ANKRD13A: variants seen among roughly 807,000 people sequenced by gnomAD.
ANKRD13A encodes the protein ankyrin repeat domain 13A.
ANKRD13A carries 48 observed loss-of-function variants against 81.3 expected under a neutral mutation model. That is an observed-to-expected ratio of 0.59 (90% CI 0.47 to 0.75). The LOEUF is 0.75. Ranked by LOEUF, ANKRD13A falls within the 30% of genes least tolerant of loss-of-function variation. ANKRD13A has a pLI of 0.00. For synonymous variants in ANKRD13A, 230 were observed against 270.1 expected, an observed-to-expected ratio of 0.85 and a Z score of 1.45; for missense variants, 612 against 734.0, an observed-to-expected ratio of 0.83 and a Z score of 1.92.
rs1890559474 is a variant in ANKRD13A, at chr12:110,012,117, A to C, written c.209A>C (p.Glu70Ala). Reference sequence around the variant, plus strand: ...CGACATAAAGCAGATGTGACAAAAGAAAATCGCCAGGGATGGACAGGTAAG... The same window carrying C: ...CGACATAAAGCAGATGTGACAAAAGCAAATCGCCAGGGATGGACAGGTAAG... ...LLRHKADVTK[E>A]NRQGWTVLHE... The change falls in exon 2 of 15, where the codon GAA becomes GCA. Residue 70 changes from glutamate (E) to alanine (A), a missense_variant. Transcript: ENST00000261739. 6.2e-7 allele frequency: 1 copy of C among 1,611,864 alleles called. No individual in the cohort carries two copies. The highest frequency in any genetic ancestry group is 8.5e-7 in the Non-Finnish European group (1 of 1,178,080).
rs372999344 is a variant in ANKRD13A, at chr12:110,016,382, C to T, written c.355-6C>T. The T allele has an allele frequency of 1.6e-4, 250 of 1,583,854 alleles. 2 individuals are homozygous for T. In the Middle Eastern group the frequency reaches 3.9e-3, roughly 25 times the overall value. On this transcript the variant is annotated splice_polypyrimidine_tract_variant and splice_region_variant and intron_variant, in intron 3 of 14. Coordinates refer to ENST00000261739, the MANE Select transcript of ANKRD13A (RefSeq NM_033121.2). Reference sequence around the variant, plus strand: ...AATCTGTTTTAAACCTTTGTCTGCCCTTCAGGCTCCGGATTTCTATGTGCA... The same window carrying T: ...AATCTGTTTTAAACCTTTGTCTGCCTTTCAGGCTCCGGATTTCTATGTGCA...
chr12:110,012,333 T>A (rs764840577), intron 2 of ANKRD13A, among the ~76,000 whole-genome samples, 196 bp downstream of exon 2: 1 of 152,066 alleles, frequency 6.6e-6, no homozygotes, highest in Non-Finnish European at 1.5e-5. Flanking sequence ...GTCACTGCAC[T>A]CCACCCTGGG....
Position 110,039,342 on chromosome 12 carries a change from A to G in ANKRD13A, c.*1788A>G, listed in dbSNP as rs112037652. ...GAATTCACTTAAAAAGGGACTGAGC[A>G]TTGTGTCAACCTGTTGCAGTGTTTT... On this transcript the variant is annotated 3_prime_UTR_variant, in exon 15 of 15. Coordinates refer to ENST00000261739, the MANE Select transcript of ANKRD13A (RefSeq NM_033121.2). The G allele has an allele frequency of 1.3e-5, 2 of 152,340 alleles. No individual in the cohort carries two copies. Among genetic ancestry groups the G allele is most frequent in the Admixed American group, 6.5e-5 (1 of 15,306 alleles). The allele number at this position is 152,340 out of a possible 1,614,324, so 9.4% of individuals were successfully genotyped here.
intron 3 of ANKRD13A, among the ~76,000 whole-genome samples, chr12:110,014,309 G>C (rs925405115): frequency 3.9e-5 from 6 of 152,286 alleles, no homozygotes; most frequent in Admixed American, 2.0e-4. Flanking sequence ...CTACTCAGGA[G>C]GCTGAGGCAG....
chr12:110,011,898 T>C (rs964642710), intron 1 of ANKRD13A, 107 bp from the exon 2 acceptor site: 12 of 1,114,934 alleles, frequency 1.1e-5, no homozygotes, highest in South Asian at 7.3e-5. Flanking sequence ...CTCTAATTAA[T>C]GCATAAATAT....
intron 3 of ANKRD13A, among the ~76,000 whole-genome samples, chr12:110,015,890 A>G (rs1890769594): frequency 6.6e-6 from 1 of 151,534 alleles, no homozygotes; most frequent in Admixed American, 6.6e-5. Flanking sequence ...ATTTTATATC[A>G]AGGTAAAATA....
At chr12:110,001,347 T>C (rs1020266423) in intron 1 of ANKRD13A, among the ~76,000 whole-genome samples, 1 of 151,868 alleles carries the variant, frequency 6.6e-6, no homozygotes, top group Non-Finnish European at 1.5e-5. Context: ...GGTGAATGGG[T>C]GCTGCAAGCT....
chr12:110,009,413 G>A (rs1278840362), intron 1 of ANKRD13A, among the ~76,000 whole-genome samples: 2 of 152,200 alleles, frequency 1.3e-5, no homozygotes, highest in South Asian at 2.1e-4. Flanking sequence ...TTTTATTTCT[G>A]TAGAGTTGCT....
intron 3 of ANKRD13A, among the ~76,000 whole-genome samples, chr12:110,014,052 C>T (rs1383779159): frequency 6.6e-6 from 1 of 152,108 alleles, no homozygotes; most frequent in East Asian, 1.9e-4. Context: ...ACCTTTAGTC[C>T]ATTGCCCTGA....
chr12:110,026,483 A>G (rs985575607), intron 8 of ANKRD13A, among the ~76,000 whole-genome samples: 1 of 151,896 alleles, frequency 6.6e-6, no homozygotes, highest in African/African-American at 2.4e-5. Flanking sequence ...AGGCTGAGGC[A>G]GGAGAATCAC....
chr12:110,035,450 T>C (rs1360949238), intron 13 of ANKRD13A, among the ~76,000 whole-genome samples: 1 of 151,954 alleles, frequency 6.6e-6, no homozygotes, highest in African/African-American at 2.4e-5. Context: ...ACCAAATTTT[T>C]TTTTTTTTTT....
intron 11 of ANKRD13A, 129 bp from the exon 12 acceptor site, chr12:110,030,516 G>A: frequency 2.2e-6 from 1 of 457,812 alleles, no homozygotes; most frequent in Non-Finnish European, 3.7e-6. Context: ...TATTGGGAAG[G>A]GTTGTTATGA....
intron 2 of ANKRD13A, among the ~76,000 whole-genome samples, chr12:110,012,810 A>G (rs548364893): frequency 6.6e-6 from 1 of 152,230 alleles, no homozygotes; most frequent in Non-Finnish European, 1.5e-5. Flanking sequence ...CCAGGTCTAC[A>G]TATAACCACA....
Position 109,999,875 on chromosome 12 carries a change from T to C in ANKRD13A, c.96+91T>C. 1 of 1,172,068 alleles carries C rather than the reference T, an allele frequency of 8.5e-7. No individual in the cohort carries two copies. Among genetic ancestry groups the C allele is most frequent in the South Asian group, 1.6e-5 (1 of 63,168 alleles). The allele number at this position is 1,172,068 out of a possible 1,614,324, so 72.6% of individuals were successfully genotyped here. ...CCCTGAGCCCATTTCCAGCCCTCTG[T>C]CCCCGGGATCCCCAGACCCCTTCCA... On this transcript the variant is annotated intron_variant, in intron 1 of 14. Transcript: ENST00000261739. This position sits in a 1 kb window ranked among gnomAD's most constrained non-coding sequence, Gnocchi z 4.3.
chr12:110,026,027 C>T (rs533924587), intron 8 of ANKRD13A, among the ~76,000 whole-genome samples: 1 of 151,288 alleles, frequency 6.6e-6, no homozygotes, highest in East Asian at 2.0e-4. Context: ...AGTGGCACGA[C>T]CTTGGCTCAC....
chr12:110,027,815 C>T, intron 9 of ANKRD13A, 49 bp downstream of exon 9: 2 of 1,590,054 alleles, frequency 1.3e-6, no homozygotes, highest in South Asian at 1.1e-5. Context: ...AAGGAAACAA[C>T]TTGTCTGTGT....
chr12:110,019,253 G>C lies in ANKRD13A; in HGVS notation c.659G>C (p.Ser220Thr), dbSNP rs1400008735. The change falls in exon 6 of 15, where the codon AGC (serine) becomes ACC (threonine). Residue 220 changes from serine to threonine, a missense_variant. Ser to Thr is a moderately conservative substitution (Grantham distance 58). Coordinates refer to ENST00000261739, the MANE Select transcript of ANKRD13A (RefSeq NM_033121.2). ...RLTLDLMKPK[S>T]REVERRLTSP... ...ACTCTGGACTTGATGAAGCCAAAAA[G>C]CAGGGAAGTTGAGCGGCGGCTCACA... 1.9e-6 allele frequency: 3 copies of C among 1,614,096 alleles called. No homozygotes were observed. In the South Asian group the frequency reaches 3.3e-5, roughly 18 times the overall value.
chr12:110,012,951 G>GT (rs1381070127), intron 2 of ANKRD13A, among the ~76,000 whole-genome samples, 174 bp from the exon 3 acceptor site: 3 of 152,124 alleles, frequency 2.0e-5, no homozygotes, highest in Admixed American at 6.6e-5. Context: ...GGTACTCTAT[G>GT]TTTTTTACTC....
At chr12:110,027,349 C>T (rs1414783775) in intron 8 of ANKRD13A, 1 of 247,012 alleles carries the variant, frequency 4.0e-6, no homozygotes, top group Non-Finnish European at 8.0e-6. Context: ...TCACCAGCAC[C>T]ACCACCACCA....
Sources: gnomAD v4.1 joint callset for allele counts (sites outside exome capture counted in the v4.1 genomes callset) on GRCh38, gnomAD v4.1.1 for gene constraint, Gnocchi (gnomAD v3.1) non-coding constraint, MANE v1.5 for transcripts, NCBI Gene and HGNC (gene_info 2026-07-23, HGNC 2026-07-21) for gene names.